Variants in USH1C observed in about 807,000 individuals in gnomAD.
The protein encoded by USH1C is USH1 protein network component harmonin, also known as harmonin.
A neutral mutation model predicts 119.3 loss-of-function variants in USH1C; 90 were observed. The ratio of observed to expected loss-of-function variants is 0.75; its 90% confidence interval spans 0.64 to 0.90. USH1C has a LOEUF of 0.90. USH1C is among the 40% of genes least tolerant of loss of function. The pLI, the probability that USH1C is intolerant of heterozygous loss-of-function variation, is 0.00. For missense variants in USH1C, 1,165 were observed against 1,167.7 expected, an observed-to-expected ratio of 1.00 and a Z score of 0.03; for synonymous variants, 465 against 443.3, an observed-to-expected ratio of 1.05 and a Z score of -0.62.
chr11:17,517,795 A>T (rs1398730655), intron 14 of USH1C, among the ~76,000 whole-genome samples: 1 of 152,130 alleles, frequency 6.6e-6, no homozygotes, highest in East Asian at 1.9e-4. Context: ...AGTGAGGAGG[A>T]TGGGAATATC....
rs1203073040 is a variant in USH1C, at chr11:17,500,185, A to C, written c.2380+866T>G. ...TAGATAAGGGGATAAAGAACAAGGC[A>C]AAATGAGAAGAGAGACACAGGGTAT... On this transcript the variant is annotated intron_variant, in intron 23 of 26. Coordinates refer to ENST00000005226, the MANE Select transcript of USH1C (RefSeq NM_153676.4). Among the ~76,000 whole-genome samples the C allele has an allele frequency of 2.6e-5, 4 of 152,234 alleles. 1 individual carries two copies. Among genetic ancestry groups the C allele is most frequent in the Admixed American group, 1.3e-4 (2 of 15,290 alleles).
Position 17,531,210 on chromosome 11 carries a change from C to T in USH1C, c.331G>A (p.Gly111Arg). Residue 111 changes from glycine (G) to arginine (R), a missense_variant, in exon 4 of 27, where the codon GGG becomes AGG. By Grantham distance (125) the Gly-to-Arg change is moderately radical. Coordinates refer to ENST00000005226, the MANE Select transcript of USH1C (RefSeq NM_153676.4). This position sits in a 1 kb window ranked among gnomAD's most constrained non-coding sequence, Gnocchi z 4.2. ...TTGATGAGGTGGGAGATGAAGAGCCCACAGCCAAACTCCAGGCCACCACGC... is the reference window on the plus strand; with the variant it reads ...TTGATGAGGTGGGAGATGAAGAGCCTACAGCCAAACTCCAGGCCACCACGC... Reference protein sequence around the residue: ...SVRGGLEFGCGLFISHLIKGG... With the variant: ...SVRGGLEFGCRLFISHLIKGG... 6.2e-7 allele frequency: 1 copy of T among 1,614,082 alleles called. No homozygotes were observed.
chr11:17,503,310 G>A (rs1849519390), intron 20 of USH1C, among the ~76,000 whole-genome samples: 1 of 152,194 alleles, frequency 6.6e-6, no homozygotes, highest in Non-Finnish European at 1.5e-5. Flanking sequence ...AGGCTGGGCA[G>A]TGCTGGCTCT....
In USH1C at chr11:17,539,931, AAT is replaced by A. The variant is rs547347585; in HGVS notation, c.36+4339_36+4340del. 3.3e-3 allele frequency among the ~76,000 whole-genome samples: 490 copies of A among 150,010 alleles called. 1 individual carries two copies. Among genetic ancestry groups the A allele is most frequent in the African/African-American group, 0.012 (472 of 40,714 alleles). On this transcript the variant is annotated intron_variant, in intron 1 of 26. Transcript: ENST00000005226. ...CACTGCAGCCTCAACCTCCAGGCTC[AAT>A]TGATTCTCCTGCCTCAACCTCTCAA...
intron 24 of USH1C, among the ~76,000 whole-genome samples, chr11:17,497,068 G>A (rs573467706): frequency 2.4e-4 from 37 of 152,332 alleles, no homozygotes; most frequent in Middle Eastern, 3.4e-3. Context: ...TCTATGGACC[G>A]GGGACAGGCA....
chr11:17,526,194 C>G (rs1418207541), intron 8 of USH1C, among the ~76,000 whole-genome samples, 153 bp downstream of exon 8: 1 of 152,182 alleles, frequency 6.6e-6, no homozygotes, highest in Admixed American at 6.5e-5. Context: ...GAGTCAGACC[C>G]TGTATCTAAC....
At chr11:17,523,998 G>A (rs138173360) in intron 9 of USH1C, among the ~76,000 whole-genome samples, 1 of 152,176 alleles carries the variant, frequency 6.6e-6, no homozygotes, top group African/African-American at 2.4e-5. Context: ...AGAGGTTAAG[G>A]GTTCCTGCTT....
At chr11:17,541,142 C>T (rs1851450327) in intron 1 of USH1C, among the ~76,000 whole-genome samples, 1 of 152,190 alleles carries the variant, frequency 6.6e-6, no homozygotes, top group Non-Finnish European at 1.5e-5. Flanking sequence ...GATGTCACCT[C>T]TTCAGAGAGG....
At chr11:17,527,936 A>C (rs1224851340) in intron 4 of USH1C, among the ~76,000 whole-genome samples, 1 of 152,018 alleles carries the variant, frequency 6.6e-6, no homozygotes, top group African/African-American at 2.4e-5. Context: ...CTGAATTCCT[A>C]TTTTGGGAGC....
intron 1 of USH1C, among the ~76,000 whole-genome samples, chr11:17,537,508 G>A (rs1565071791): frequency 6.6e-6 from 1 of 152,156 alleles, no homozygotes; most frequent in Admixed American, 6.5e-5. Context: ...CCTTCTTTCT[G>A]ACCTGTTGGC....
Position 17,494,211 on chromosome 11 carries a change from T to G in USH1C, c.*121A>C. 10 of 1,281,894 alleles carry G rather than the reference T, an allele frequency of 7.8e-6. No homozygotes were observed. Among genetic ancestry groups the G allele is most frequent in the Non-Finnish European group, 1.0e-5 (9 of 903,362 alleles). The allele number at this position is 1,281,894 out of a possible 1,614,324, so 79.4% of individuals were successfully genotyped here. A position where few individuals can be genotyped will look rare whatever the true frequency, so the allele number is the denominator to read the frequency against. On this transcript the variant is annotated 3_prime_UTR_variant, in exon 27 of 27. Coordinates refer to ENST00000005226, the MANE Select transcript of USH1C (RefSeq NM_153676.4). Reference sequence around the variant, plus strand: ...GCCCTGGTTCAGGGCCAAAGGGAGTTTGAGATTCCTGGGTGATAGATTCAG... The same window carrying G: ...GCCCTGGTTCAGGGCCAAAGGGAGTGTGAGATTCCTGGGTGATAGATTCAG...
At position 17,513,344 on chromosome 11, in the gene USH1C, C is replaced by G. The variant is rs1038027749; in HGVS notation, c.1261-1290G>C. Among the ~76,000 whole-genome samples, 5 of 152,104 alleles carry G rather than the reference C, an allele frequency of 3.3e-5. No individual in the cohort carries two copies. In the East Asian group the frequency reaches 7.7e-4, roughly 23 times the overall value. ...CCCTGTTCACTGAGCTCACCCCCGCCCCCAACAAGCCTTCTGGGGATCTGC... is the reference window on the plus strand; with the variant it reads ...CCCTGTTCACTGAGCTCACCCCCGCGCCCAACAAGCCTTCTGGGGATCTGC... On this transcript the variant is annotated intron_variant, in intron 15 of 26. Transcript: ENST00000005226.
rs1565057850 is a variant in USH1C at position 17,527,003 on chromosome 11, AG to A, written c.521+12del. 1 of 1,564,246 alleles carries A rather than the reference AG, an allele frequency of 6.4e-7. No individual in the cohort carries two copies. Among genetic ancestry groups the A allele is most frequent in the South Asian group, 1.2e-5 (1 of 84,978 alleles). On this transcript the variant is annotated intron_variant, in intron 6 of 26. Transcript: ENST00000005226. ...ACAGGGAAGAGTTGGCCTGCAGAGG[AG>A]GGGCCTCTCACCTTTTCACGGGGAT...
chr11:17,510,667 C>G, intron 16 of USH1C, 146 bp from the exon 17 acceptor site: 2 of 703,078 alleles, frequency 2.8e-6, no homozygotes, highest in Non-Finnish European at 5.1e-6. Context: ...TGGGCTTGTT[C>G]CAACTGGCCC....
chr11:17,533,279 T>C lies in USH1C; in HGVS notation c.80A>G (p.Tyr27Cys). ...IENDAEKDYL[Y>C]DVLRMYHQTM... ...CTGGTGGTACATTCGCAGCACATCA[T>C]AGAGATAGTCCTTCTCTGCATCATT... is the stretch of plus-strand genomic sequence containing the variant. Residue 27 changes from tyrosine to cysteine, a missense_variant, in exon 2 of 27, where the codon TAT becomes TGT. Transcript: ENST00000005226. 2 of 1,613,908 alleles carry C rather than the reference T, an allele frequency of 1.2e-6. No homozygotes were observed. Among genetic ancestry groups the C allele is most frequent in the Non-Finnish European group, 1.7e-6 (2 of 1,179,940 alleles).
At position 17,531,162 on chromosome 11, in the gene USH1C, C is replaced by G; in HGVS notation, c.379G>C (p.Gly127Arg). 6.2e-7 allele frequency: 1 copy of G among 1,614,064 alleles called. No individual in the cohort carries two copies. Among genetic ancestry groups the G allele is most frequent in the Non-Finnish European group, 8.5e-7 (1 of 1,180,032 alleles). ...LIKGGQADSV[G>R]LQVGDEIVRI... Reference sequence around the variant, plus strand: ...GGACTCTGTTTGCTCACCTGGAGCCCGACGCTGTCTGCCTGACCGCCTTTG... The same window carrying G: ...GGACTCTGTTTGCTCACCTGGAGCCGGACGCTGTCTGCCTGACCGCCTTTG... Residue 127 changes from glycine (G) to arginine (R), a missense_variant, in exon 4 of 27, where the codon GGG becomes CGG. Physicochemically the swap from Gly to Arg is moderately radical, Grantham distance 125 (BLOSUM62 -2). Transcript: ENST00000005226. This position sits in a 1 kb window ranked among gnomAD's most constrained non-coding sequence, Gnocchi z 4.2.
intron 1 of USH1C, among the ~76,000 whole-genome samples, chr11:17,543,252 C>T (rs1851547756): frequency 6.6e-6 from 1 of 152,256 alleles, no homozygotes; most frequent in African/African-American, 2.4e-5. Context: ...CTGACCTGCC[C>T]TACCTGAGCT....
At chr11:17,521,202 A>G (rs1850397500) in intron 13 of USH1C, 144 bp downstream of exon 13, 2 of 1,058,644 alleles carry the variant, frequency 1.9e-6, no homozygotes, top group African/African-American at 3.1e-5. Flanking sequence ...CTATAATATG[A>G]CAGGCTTTAC....
intron 4 of USH1C, among the ~76,000 whole-genome samples, chr11:17,528,583 G>C (rs762335337): frequency 6.6e-6 from 1 of 152,228 alleles, no homozygotes; most frequent in African/African-American, 2.4e-5. Flanking sequence ...GCTGGCACAC[G>C]TGAGGGATGC....
Sources: allele counts gnomAD v4.1 joint callset (sites outside exome capture counted in the v4.1 genomes callset), GRCh38; gene constraint gnomAD v4.1.1; non-coding constraint Gnocchi (gnomAD v3.1); transcripts MANE v1.5; gene names NCBI Gene and HGNC (gene_info 2026-07-23, HGNC 2026-07-21).